The following IQGAP1 variants were observed in gnomAD, a reference collection of about 807,000 sequenced individuals.
The protein encoded by IQGAP1 is ras GTPase-activating-like protein IQGAP1.
A neutral mutation model predicts 215.6 loss-of-function variants in IQGAP1; 66 were observed. The ratio of observed to expected loss-of-function variants is 0.31; its 90% CI spans 0.25 to 0.38. The LOEUF is 0.38. Among genes scored for constraint, IQGAP1 ranks in the 10% least tolerant of loss-of-function variants. The pLI, the probability that IQGAP1 is intolerant of heterozygous loss-of-function variation, is 1.00. For synonymous variants in IQGAP1, 772 were observed against 728.7 expected, an observed-to-expected ratio of 1.06 and a Z score of -0.96; for missense variants, 1,712 against 1,997.1, an observed-to-expected ratio of 0.86 and a Z score of 2.72.
intron 15 of IQGAP1, among the ~76,000 whole-genome samples, chr15:90,464,402 A>C (rs534186381): frequency 5.3e-5 from 8 of 152,322 alleles, no homozygotes; most frequent in Non-Finnish European, 7.4e-5. Context: ...ATGGAAATCT[A>C]ATGGGGTATC....
chr15:90,477,949 C>A, intron 26 of IQGAP1, 60 bp downstream of exon 26: 2 of 1,085,540 alleles, frequency 1.8e-6, no homozygotes, highest in South Asian at 1.3e-5. Context: ...CTCTTTTTTC[C>A]CCTCTCTTTA....
chr15:90,398,522 A>G lies in IQGAP1; in HGVS notation c.155+7649A>G, dbSNP rs546731100. Among the ~76,000 whole-genome samples the G allele has an allele frequency of 4.1e-4, 62 of 152,322 alleles. No individual in the cohort carries two copies. In the South Asian group the frequency reaches 0.012, roughly 31 times the overall value. Reference sequence around the variant, plus strand: ...GATATAATCACAAATTCAGATTTTTAAGTTACTACACAGATGTTCCTCGAT... The same window carrying G: ...GATATAATCACAAATTCAGATTTTTGAGTTACTACACAGATGTTCCTCGAT... On this transcript the variant is annotated intron_variant, in intron 2 of 37. Transcript: ENST00000268182.
chr15:90,422,679 T>C (rs966976489), intron 2 of IQGAP1, among the ~76,000 whole-genome samples: 36 of 127,950 alleles, frequency 2.8e-4, no homozygotes, highest in African/African-American at 1.2e-3. Flanking sequence ...TATATATATA[T>C]AATTTTTGAG....
intron 4 of IQGAP1, among the ~76,000 whole-genome samples, chr15:90,432,905 C>G (rs1431709549): frequency 1.3e-5 from 2 of 152,158 alleles, no homozygotes; most frequent in Non-Finnish European, 2.9e-5. Context: ...CCTTGAAGTT[C>G]AAGGCTATTC....
At chr15:90,446,069 G>GT (rs1180594612) in intron 9 of IQGAP1, among the ~76,000 whole-genome samples, 25 of 152,294 alleles carry the variant, frequency 1.6e-4, no homozygotes, top group Admixed American at 3.3e-4. Context: ...TGCTGAATCT[G>GT]TATTAATCCT....
Position 90,454,450 on chromosome 15 carries a change from C to T in IQGAP1, c.1510C>T (p.Leu504=). The change falls in exon 14 of 38, where the codon CTG becomes TTG. Residue 504 remains leucine, a synonymous_variant. Coordinates refer to ENST00000268182, the MANE Select transcript of IQGAP1 (RefSeq NM_003870.4). ...CAGGTATCTCGATGAGTTGATGAAA[C>T]TGAAGGCTCAGGCACATGCAGAGAA... ...CQRYLDELMK[L]KAQAHAENNE... The T allele has an allele frequency of 6.2e-7, 1 of 1,613,636 alleles. No homozygotes were observed. Among genetic ancestry groups the T allele is most frequent in the African/African-American group, 1.3e-5 (1 of 75,010 alleles).
At chr15:90,450,330 C>CTTTTTTTTTTTTTTTTTT (rs869037347) in intron 11 of IQGAP1, among the ~76,000 whole-genome samples, 1 of 54,460 alleles carries the variant, frequency 1.8e-5, no homozygotes, top group Admixed American at 2.7e-4. Flanking sequence ...TATACACTAC[C>CTTTTTTTTTTTTTTTTTT]TTTTTTTTTT....
chr15:90,479,597 T>A (rs748489207), intron 26 of IQGAP1, among the ~76,000 whole-genome samples: 50 of 143,840 alleles, frequency 3.5e-4, no homozygotes, highest in Non-Finnish European at 6.3e-4. Flanking sequence ...AAAAAAAAAA[T>A]TAGCTGGGTG....
intron 2 of IQGAP1, among the ~76,000 whole-genome samples, chr15:90,399,095 A>G (rs1964767062): frequency 1.3e-5 from 2 of 151,708 alleles, no homozygotes; most frequent in South Asian, 2.1e-4. Context: ...ACCTGGGACT[A>G]TAGGCCCACT....
chr15:90,443,358 T>G, intron 8 of IQGAP1, 36 bp from the exon 9 acceptor site: 1 of 1,390,844 alleles, frequency 7.2e-7, no homozygotes, highest in Non-Finnish European at 1.0e-6. Flanking sequence ...TTAGACACCT[T>G]AAGCTAACTT....
chr15:90,405,038 T>C (rs1366995930), intron 2 of IQGAP1, among the ~76,000 whole-genome samples: 2 of 152,250 alleles, frequency 1.3e-5, no homozygotes, highest in African/African-American at 2.4e-5. Context: ...TGTTTTCCTC[T>C]AGTATGTTTA....
Position 90,482,071 on chromosome 15 carries a change from A to G in IQGAP1, c.3441A>G (p.Ser1147=). 1 of 1,614,240 alleles carries G rather than the reference A, an allele frequency of 6.2e-7. No individual in the cohort carries two copies. The highest frequency in any genetic ancestry group is 8.5e-7 in the Non-Finnish European group (1 of 1,180,034). Residue 1147 remains serine, a synonymous_variant, in exon 27 of 38, where the codon TCA becomes TCG. Transcript: ENST00000268182. ...NMRAVTDKFL[S]AIVSSVDKIP... ...GGGCTGTGACAGACAAGTTTCTCTC[A>G]GCCATTGTCAGCTCTGTGGACAAAA...
chr15:90,445,044 C>T (rs1339298179), intron 9 of IQGAP1, among the ~76,000 whole-genome samples: 1 of 152,060 alleles, frequency 6.6e-6, no homozygotes, highest in Admixed American at 6.6e-5. Context: ...ATTGCTTGAG[C>T]CCAGGAGGTT....
intron 2 of IQGAP1, among the ~76,000 whole-genome samples, chr15:90,410,411 T>G (rs1358350329): frequency 6.6e-6 from 1 of 152,182 alleles, no homozygotes; most frequent in Non-Finnish European, 1.5e-5. Flanking sequence ...GCACTATTCA[T>G]GATAGCAAAC....
At chr15:90,440,974 G>C (rs990911829) in intron 7 of IQGAP1, among the ~76,000 whole-genome samples, 1 of 152,064 alleles carries the variant, frequency 6.6e-6, no homozygotes, top group African/African-American at 2.4e-5. Flanking sequence ...GGGCATGGTG[G>C]TGTGCACCTG....
intron 2 of IQGAP1, among the ~76,000 whole-genome samples, chr15:90,424,756 T>C (rs1394663251): frequency 3.3e-5 from 5 of 151,980 alleles, no homozygotes; most frequent in Admixed American, 3.3e-4. Flanking sequence ...GGAGAATTGC[T>C]TGAACCCAGG....
chr15:90,477,060 A>G lies in IQGAP1; in HGVS notation c.2941-7A>G. The G allele has an allele frequency of 6.2e-7, 1 of 1,613,444 alleles. No individual in the cohort carries two copies. Among genetic ancestry groups the G allele is most frequent in the Non-Finnish European group, 8.5e-7 (1 of 1,179,752 alleles). ...TACAAATGACTTATCCCTTGGTTTT[A>G]TTTCAGACCAATCCCACCTATCTGG... On this transcript the variant is annotated splice_polypyrimidine_tract_variant and splice_region_variant and intron_variant, in intron 24 of 37. Coordinates refer to ENST00000268182, the MANE Select transcript of IQGAP1 (RefSeq NM_003870.4).
At chr15:90,455,253 C>T (rs1965662411) in intron 14 of IQGAP1, among the ~76,000 whole-genome samples, 1 of 152,170 alleles carries the variant, frequency 6.6e-6, no homozygotes. Flanking sequence ...ATAGTATTGG[C>T]TTTGCGATTA....
chr15:90,447,493 A>G (rs1965542297), intron 9 of IQGAP1, among the ~76,000 whole-genome samples: 1 of 152,200 alleles, frequency 6.6e-6, no homozygotes, highest in South Asian at 2.1e-4. Context: ...ATTGATAAGT[A>G]CTATTATGCC....
Sources: gnomAD v4.1 joint callset for allele counts (sites outside exome capture counted in the v4.1 genomes callset) on GRCh38, gnomAD v4.1.1 for gene constraint, MANE v1.5 for transcripts, NCBI Gene and HGNC (gene_info 2026-07-23, HGNC 2026-07-21) for gene names.